USP54: variants seen among roughly 807,000 people sequenced by gnomAD.
USP54 encodes ubiquitin specific peptidase 54, also known as ubiquitin carboxyl-terminal hydrolase 54.
USP54 carries 87 observed loss-of-function variants against 170.5 expected under a neutral mutation model. That is an observed-to-expected ratio of 0.51 (90% CI 0.43 to 0.61). The LOEUF is 0.61. USP54 is among the 20% of genes least tolerant of loss of function. The pLI is 0.00. For missense variants in USP54, 1,786 were observed against 2,047.8 expected, an observed-to-expected ratio of 0.87 and a Z score of 2.47; for synonymous variants, 655 against 742.8, an observed-to-expected ratio of 0.88 and a Z score of 1.92.
At position 73,576,211 on chromosome 10, in the gene USP54, CA is replaced by C. The variant is rs2076083558; in HGVS notation, c.-432del. On this transcript the variant is annotated 5_prime_UTR_variant, in exon 2 of 24. The change abolishes the stop of an existing upstream ORF in the 5' untranslated region. Transcript: ENST00000687698. ...GCAACTGCAAAAGGTTCCACAAAGCCAAGAAGAAGCCTGTTTGAATCATCTG... is the reference window on the plus strand; with the variant it reads ...GCAACTGCAAAAGGTTCCACAAAGCCAGAAGAAGCCTGTTTGAATCATCTG... 6.6e-6 allele frequency: 1 copy of C among 152,170 alleles called. No homozygotes were observed. 9.4% of individuals were successfully genotyped at this position (152,170 alleles called of 1,614,324 possible).
At chr10:73,595,410 G>C (rs541618187), upstream of USP54, among the ~76,000 whole-genome samples, 1 of 152,284 alleles carries the variant, frequency 6.6e-6, no homozygotes, top group African/African-American at 2.4e-5. Context: ...GCATTACTGA[G>C]AAGAGGAATA....
intron 1 of USP54, among the ~76,000 whole-genome samples, chr10:73,608,908 A>T (rs1449483905): frequency 6.6e-6 from 1 of 152,206 alleles, no homozygotes; most frequent in East Asian, 1.9e-4. Context: ...TTGTCTCAAA[A>T]AATAAGTAAA....
chr10:73,566,599 C>T (rs1429927814), intron 4 of USP54, among the ~76,000 whole-genome samples: 6 of 151,708 alleles, frequency 4.0e-5, no homozygotes, highest in South Asian at 2.1e-4. Context: ...GGCATGGTGA[C>T]GTGCACCTGT....
At chr10:73,519,558 T>C in intron 19 of USP54, 6 of 559,276 alleles carry the variant, frequency 1.1e-5, no homozygotes, top group East Asian at 6.6e-5. Context: ...AAGTTACCCA[T>C]GGGAAATGTG....
chr10:73,592,343 A>G (rs1473288823), upstream of USP54, among the ~76,000 whole-genome samples: 1 of 152,208 alleles, frequency 6.6e-6, no homozygotes, highest in Non-Finnish European at 1.5e-5. Context: ...ACTAAAAAAA[A>G]GATGTAATTA....
At position 73,517,547 on chromosome 10, in the gene USP54, TC is replaced by T; in HGVS notation, c.2878del (p.Glu960LysfsTer2). The stretch of plus-strand genomic sequence containing the variant: ...TGCAGAGGGTTCAATGTTGTCTACT[TC>T]AACCGAAGTCAGAAGCTTCAAGGCA... ...RSALKLLTSV[E>X]VDNIEPSAFH... On this transcript the variant is annotated frameshift_variant, in exon 20 of 24. Transcript: ENST00000687698. LOFTEE classifies it high-confidence loss of function. The T allele has an allele frequency of 6.2e-7, 1 of 1,614,194 alleles. No homozygotes were observed. The highest frequency in any genetic ancestry group is 8.5e-7 in the Non-Finnish European group (1 of 1,180,044).
chr10:73,588,453 A>C (rs545641270), intron 1 of USP54, among the ~76,000 whole-genome samples: 4 of 152,210 alleles, frequency 2.6e-5, no homozygotes, highest in African/African-American at 9.6e-5. Context: ...CAAACTCCTG[A>C]CCTCAAGCGA....
At chr10:73,597,061 G>C (rs373923593) in intron 1 of USP54, among the ~76,000 whole-genome samples, 5 of 152,296 alleles carry the variant, frequency 3.3e-5, no homozygotes, top group African/African-American at 9.6e-5. Flanking sequence ...AACCACCTTT[G>C]CAAAAATTAT....
intron 4 of USP54, among the ~76,000 whole-genome samples, chr10:73,566,189 C>T (rs1306683106): frequency 6.6e-6 from 1 of 151,996 alleles, no homozygotes; most frequent in Non-Finnish European, 1.5e-5. Context: ...GAGATCGCAC[C>T]ATTGCACTCC....
chr10:73,562,112 G>A (rs200742155), intron 4 of USP54, among the ~76,000 whole-genome samples: 14 of 151,548 alleles, frequency 9.2e-5, no homozygotes, highest in African/African-American at 3.4e-4. Flanking sequence ...TTAAAAAAAA[G>A]AGAGAGAGAG....
chr10:73,584,410 C>T (rs1018063388), intron 1 of USP54, among the ~76,000 whole-genome samples: 1 of 151,958 alleles, frequency 6.6e-6, no homozygotes, highest in African/African-American at 2.4e-5. Flanking sequence ...GAGACGTTGA[C>T]GTAGTTTGTG....
At position 73,624,130 on chromosome 10, in the gene USP54, A is replaced by C. The variant is rs1359879766; in HGVS notation, c.-18+1437T>G. 2.1e-5 allele frequency among the ~76,000 whole-genome samples: 3 copies of C among 141,292 alleles called. No individual in the cohort carries two copies. In the East Asian group the frequency reaches 6.1e-4, roughly 29 times the overall value. The allele number at this position is 141,292 out of a possible 152,430, so 92.7% of individuals were successfully genotyped here. A position where few individuals can be genotyped will look rare whatever the true frequency, so the allele number is the denominator to read the frequency against. ...ATGGGTTCAGTGACTAACCACATTA[A>C]GACCAGCTGAAGAAGGATTTTTAAA... On this transcript the variant is annotated intron_variant, in intron 1 of 22. Transcript: ENST00000339859.
At chr10:73,572,103 T>C (rs1358406705) in intron 3 of USP54, among the ~76,000 whole-genome samples, 1 of 152,220 alleles carries the variant, frequency 6.6e-6, no homozygotes, top group African/African-American at 2.4e-5. Flanking sequence ...CACTATACTT[T>C]TGTGGTCTTC....
chr10:73,533,301 C>T (rs1350894317), intron 12 of USP54, among the ~76,000 whole-genome samples: 1 of 149,030 alleles, frequency 6.7e-6, no homozygotes, highest in African/African-American at 2.5e-5. Context: ...GCGACTCCAA[C>T]TCAAAAAAAA....
chr10:73,606,647 G>C (rs2079653382), intron 1 of USP54, among the ~76,000 whole-genome samples: 1 of 152,164 alleles, frequency 6.6e-6, no homozygotes. Context: ...GGGAGGCCGA[G>C]GTGGGCAGAT....
rs1213850040 is a variant in USP54, at chr10:73,541,498, C to G, written c.702G>C (p.Arg234Ser). The G allele has an allele frequency of 1.9e-6, 3 of 1,614,186 alleles. No individual in the cohort carries two copies. The highest frequency in any genetic ancestry group is 1.7e-5 in the Admixed American group (1 of 60,030). ...NCPSNCGERI[R>S]IRRVLMNAPQ... ...GAGCATTCATCAACACACGGCGAAT[C>G]CTGATCCTCTCTCCACAGTTGCTCT... Residue 234 changes from arginine (R) to serine (S), a missense_variant, in exon 9 of 24, where the codon AGG becomes AGC. Physicochemically the swap from Arg to Ser is moderately radical, Grantham distance 110. Transcript: ENST00000687698.
At chr10:73,552,378 A>G (rs2069644183) in intron 4 of USP54, among the ~76,000 whole-genome samples, 1 of 150,716 alleles carries the variant, frequency 6.6e-6, no homozygotes, top group African/African-American at 2.4e-5. Context: ...GTACCACTGC[A>G]TTCCAGCCTG....
intron 1 of USP54, among the ~76,000 whole-genome samples, chr10:73,600,782 C>T (rs926917335): frequency 2.0e-5 from 3 of 152,058 alleles, no homozygotes; most frequent in Admixed American, 6.6e-5. Flanking sequence ...GGTGTGGTGG[C>T]GGTCACCTGT....
chr10:73,531,859 A>G (rs2064044861), intron 12 of USP54, among the ~76,000 whole-genome samples: 1 of 152,136 alleles, frequency 6.6e-6, no homozygotes, highest in African/African-American at 2.4e-5. Context: ...GATGACAGCA[A>G]AAGTCAGATT....
Sources: gnomAD v4.1 joint callset for allele counts (sites outside exome capture counted in the v4.1 genomes callset) on GRCh38, gnomAD v4.1.1 for gene constraint, MANE v1.5 for transcripts, NCBI Gene and HGNC (gene_info 2026-07-23, HGNC 2026-07-21) for gene names.